The following KDSR variants were observed in gnomAD, a reference collection of about 807,000 sequenced individuals.
The protein encoded by KDSR is 3-dehydrosphinganine reductase.
A neutral mutation model predicts 41.3 loss-of-function variants in KDSR; 23 were observed. The observed-to-expected ratio is 0.56, with a 90% CI of 0.40 to 0.79. KDSR has a LOEUF of 0.79. Among genes scored for constraint, KDSR ranks in the 30% least tolerant of loss-of-function variants. The probability of loss-of-function intolerance (pLI) is 0.00; values close to 1 mark genes in which losing one functional copy is unlikely to be tolerated. For synonymous variants in KDSR, 138 were observed against 151.7 expected, an observed-to-expected ratio of 0.91 and a Z score of 0.66; for missense variants, 351 against 416.8, an observed-to-expected ratio of 0.84 and a Z score of 1.37.
chr18:63,340,651 A>T (rs1914318380), intron 7 of KDSR, among the ~76,000 whole-genome samples: 1 of 152,234 alleles, frequency 6.6e-6, no homozygotes, highest in Non-Finnish European at 1.5e-5. Flanking sequence ...GATGACTGGC[A>T]GTCATTTTAT....
intron 1 of KDSR, among the ~76,000 whole-genome samples, chr18:63,363,686 C>T (rs1915057749): frequency 6.6e-6 from 1 of 152,050 alleles, no homozygotes; most frequent in Non-Finnish European, 1.5e-5. Flanking sequence ...ATTAGCTCTA[C>T]AACAGATGAA....
intron 2 of KDSR, among the ~76,000 whole-genome samples, 187 bp downstream of exon 2, chr18:63,362,592 G>T (rs1265634952): frequency 6.6e-6 from 1 of 152,164 alleles, no homozygotes; most frequent in African/African-American, 2.4e-5. Context: ...ATACTTGTGG[G>T]GCCGACCTGA....
intron 7 of KDSR, among the ~76,000 whole-genome samples, chr18:63,340,908 C>T (rs1005097450): frequency 6.6e-6 from 1 of 152,196 alleles, no homozygotes; most frequent in Non-Finnish European, 1.5e-5. Context: ...CCCTGCTTGC[C>T]TCCCACAACA....
intron 1 of KDSR, chr18:63,366,714 A>T (rs2144388117): frequency 3.0e-6 from 1 of 328,622 alleles, no homozygotes; most frequent in Middle Eastern, 8.0e-4. Flanking sequence ...TGTTGCATGG[A>T]TTCACGAGCA....
In KDSR at chr18:63,350,884, T is replaced by C; in HGVS notation, c.609+4A>G. On this transcript the variant is annotated splice_donor_region_variant and intron_variant, in intron 6 of 9. Transcript: ENST00000645214. ...ATAAATACAAAAATGAATACAACTT[T>C]TACCTCCATCTGCAAAGCTTCTGCC... 1 of 1,604,896 alleles carries C rather than the reference T, an allele frequency of 6.2e-7. No individual in the cohort carries two copies. The highest frequency in any genetic ancestry group is 1.3e-5 in the African/African-American group (1 of 74,848).
intron 1 of KDSR, among the ~76,000 whole-genome samples, chr18:63,363,199 CTTATTTTCTTTT>C (rs776177430): frequency 6.2e-5 from 9 of 145,592 alleles, no homozygotes; most frequent in African/African-American, 2.3e-4. Context: ...CCAAATGAAT[CTTATTTTCTTTT>C]TTTTTTTCTT....
intron 3 of KDSR, 180 bp downstream of exon 3, chr18:63,359,556 T>A (rs1324176473): frequency 5.5e-6 from 3 of 542,134 alleles, no homozygotes; most frequent in African/African-American, 3.7e-5. Flanking sequence ...TGTGTGGGAG[T>A]CTATTCATTT....
intron 3 of KDSR, among the ~76,000 whole-genome samples, chr18:63,357,233 C>T (rs1914821276): frequency 6.6e-6 from 1 of 152,114 alleles, no homozygotes; most frequent in Non-Finnish European, 1.5e-5. Context: ...CGCATTCCTA[C>T]TTATGGGAGC....
intron 6 of KDSR, 126 bp downstream of exon 6, chr18:63,350,762 C>T: frequency 1.4e-6 from 1 of 706,190 alleles, no homozygotes; most frequent in Non-Finnish European, 2.3e-6. Flanking sequence ...AATTCTCTTT[C>T]ACCAATGTCA....
chr18:63,350,253 C>G (rs1914626885), intron 6 of KDSR, among the ~76,000 whole-genome samples: 1 of 152,350 alleles, frequency 6.6e-6, no homozygotes, highest in African/African-American at 2.4e-5. Context: ...TTGCACTCAT[C>G]ATGACAGACG....
chr18:63,328,206 TTC>T lies in KDSR; in HGVS notation c.*3574_*3575del, dbSNP rs1369731781. 4 of 183,964 alleles carry T rather than the reference TTC, an allele frequency of 2.2e-5. No homozygotes were observed. The highest frequency in any genetic ancestry group is 4.6e-5 in the Non-Finnish European group (4 of 86,650). 11.4% of individuals were successfully genotyped at this position (183,964 alleles called of 1,614,324 possible). ...CAAAAATATATATATAATTGCTTTC[TTC>T]TAGAAAGATAAAGACATAAAATTCT... is the stretch of plus-strand genomic sequence containing the variant. On this transcript the variant is annotated 3_prime_UTR_variant, in exon 10 of 10. Coordinates refer to ENST00000645214, the MANE Select transcript of KDSR (RefSeq NM_002035.4).
At position 63,329,899 on chromosome 18, in the gene KDSR, G is replaced by A. The variant is rs1021320188; in HGVS notation, c.*1883C>T. Reference sequence around the variant, plus strand: ...TATAAAAAGCTATGATTCCATTTTAGCAGCTGCACAACGCAACTCGATATA... The same window carrying A: ...TATAAAAAGCTATGATTCCATTTTAACAGCTGCACAACGCAACTCGATATA... On this transcript the variant is annotated 3_prime_UTR_variant, in exon 10 of 10. Transcript: ENST00000645214. The A allele has an allele frequency of 2.1e-5, 4 of 192,538 alleles. No individual in the cohort carries two copies. The highest frequency in any genetic ancestry group is 4.3e-5 in the Non-Finnish European group (4 of 92,148). 11.9% of individuals were successfully genotyped at this position (192,538 alleles called of 1,614,324 possible). A position where few individuals can be genotyped will look rare whatever the true frequency, so the allele number is the denominator to read the frequency against.
At chr18:63,365,016 C>T (rs1247107604) in intron 1 of KDSR, among the ~76,000 whole-genome samples, 2 of 152,224 alleles carry the variant, frequency 1.3e-5, no homozygotes, top group Non-Finnish European at 2.9e-5. Flanking sequence ...GTCTCCTACG[C>T]AAATGCACCT....
At chr18:63,361,466 A>G (rs1176596394) in intron 2 of KDSR, among the ~76,000 whole-genome samples, 2 of 152,038 alleles carry the variant, frequency 1.3e-5, no homozygotes, top group African/African-American at 2.4e-5. Flanking sequence ...TTGTTAGAAA[A>G]GTCAAGCTAT....
chr18:63,361,063 A>ATATATATAATAAAAAAATATATTTT (rs1248629915), intron 2 of KDSR, among the ~76,000 whole-genome samples: 1 of 132,054 alleles, frequency 7.6e-6, no homozygotes, highest in African/African-American at 2.8e-5. Flanking sequence ...TATATATGTA[A>ATATATATAATAAAAAAATATATTTT]ATATATATAC....
intron 3 of KDSR, among the ~76,000 whole-genome samples, chr18:63,358,391 T>G (rs1212935196): frequency 6.6e-6 from 1 of 152,100 alleles, no homozygotes; most frequent in Admixed American, 6.5e-5. Flanking sequence ...TTGATGACAG[T>G]TGCACAACTC....
At chr18:63,333,073 T>C (rs1914058469) in intron 9 of KDSR, among the ~76,000 whole-genome samples, 1 of 151,782 alleles carries the variant, frequency 6.6e-6, no homozygotes, top group African/African-American at 2.4e-5. Flanking sequence ...GTTTATGGCA[T>C]GCGATGGAAA....
rs1163300792 is a variant in KDSR at position 63,342,159 on chromosome 18, ACT to A, written c.693+2249_693+2250del. On this transcript the variant is annotated intron_variant, in intron 7 of 9. Transcript: ENST00000645214. ...ACTCCAGCATGGGTGACAGAGCAAG[ACT>A]CTATCACAAAAAAAAAAAAAAAAAA... Among the ~76,000 whole-genome samples the A allele has an allele frequency of 5.1e-4, 68 of 132,070 alleles. 1 individual carries two copies. The highest frequency in any genetic ancestry group is 3.3e-5 in the Non-Finnish European group (2 of 61,500). The allele number at this position is 132,070 out of a possible 152,430, so 86.6% of individuals were successfully genotyped here. A position where few individuals can be genotyped will look rare whatever the true frequency, so the allele number is the denominator to read the frequency against.
chr18:63,350,756 C>A (rs1222056611), intron 6 of KDSR, 132 bp downstream of exon 6: 5 of 690,746 alleles, frequency 7.2e-6, no homozygotes, highest in African/African-American at 1.8e-5. Context: ...TGAGCCAATT[C>A]TCTTTCACCA....
Sources: gnomAD v4.1 joint callset for allele counts (sites outside exome capture counted in the v4.1 genomes callset) on GRCh38, gnomAD v4.1.1 for gene constraint, MANE v1.5 for transcripts, NCBI Gene and HGNC (gene_info 2026-07-23, HGNC 2026-07-21) for gene names.